SPACDR: variants seen among roughly 807,000 people sequenced by gnomAD.
SPACDR encodes uncharacterized protein C7orf61.
At chr7:100,463,776 G>A in the SPACDR span, 1 of 1,306,146 alleles carries the variant, frequency 7.7e-7, no homozygotes, top group Middle Eastern at 1.8e-4. Flanking sequence ...AAAAGGGATG[G>A]AGCAGTGAGT....
the SPACDR span, chr7:100,463,253 C>T: frequency 1.2e-5 from 11 of 889,996 alleles, no homozygotes; most frequent in South Asian, 1.7e-5. Flanking sequence ...GGATTACAGG[C>T]GTGAGTCACT....
At chr7:100,457,722 G>A in the SPACDR span, among the ~76,000 whole-genome samples, 1 of 146,938 alleles carries the variant, frequency 6.8e-6, no homozygotes, top group Non-Finnish European at 1.5e-5. Flanking sequence ...CCAAGTTCAA[G>A]TGATGCTCCC....
chr7:100,463,844 C>G, the SPACDR span: 7 of 1,325,772 alleles, frequency 5.3e-6, no homozygotes, highest in Non-Finnish European at 7.5e-6. Flanking sequence ...TCCTTCCTCC[C>G]CACTCCATCT....
chr7:100,461,739 C>G, the SPACDR span, among the ~76,000 whole-genome samples: 2 of 151,890 alleles, frequency 1.3e-5, no homozygotes, highest in Non-Finnish European at 2.9e-5. Context: ...CCTGTAATCC[C>G]AGCACTTTGG....
the SPACDR span, chr7:100,464,110 G>C: frequency 6.5e-7 from 1 of 1,540,546 alleles, no homozygotes; most frequent in Non-Finnish European, 8.8e-7. Flanking sequence ...GGGGTGGGCT[G>C]TGGGCCGGTG....
At chr7:100,463,410 G>A in the SPACDR span, 7 of 1,612,698 alleles carry the variant, frequency 4.3e-6, no homozygotes, top group Non-Finnish European at 5.1e-6. Context: ...GAGACCATGA[G>A]CGTGGAGACA....
chr7:100,463,982 C>T, the SPACDR span: 1 of 1,608,502 alleles, frequency 6.2e-7, no homozygotes, highest in Non-Finnish European at 8.5e-7. Flanking sequence ...AATCCTTTGC[C>T]AAGCCCGTCT....
chr7:100,463,730 G>A, the SPACDR span: 1 of 1,530,544 alleles, frequency 6.5e-7, no homozygotes, highest in East Asian at 2.3e-5. Context: ...GAGAGGGGCA[G>A]GGCAGAGACA....
chr7:100,459,599 C>T, the SPACDR span, among the ~76,000 whole-genome samples: 1 of 151,146 alleles, frequency 6.6e-6, no homozygotes, highest in African/African-American at 2.4e-5. Context: ...CCTGTCCTTT[C>T]CGTCTTTTTA....
At chr7:100,463,885 C>T in the SPACDR span, 1 of 1,492,746 alleles carries the variant, frequency 6.7e-7, no homozygotes, top group South Asian at 1.2e-5. Flanking sequence ...AGGGAGGGAA[C>T]CCACGCAGTA....
chr7:100,456,640 T>C, the SPACDR span: 1 of 760,872 alleles, frequency 1.3e-6, no homozygotes, highest in East Asian at 2.7e-5. Flanking sequence ...CTGATATTTA[T>C]TTCCCAATAT....
At chr7:100,463,687 C>T in the SPACDR span, 2 of 1,613,014 alleles carry the variant, frequency 1.2e-6, no homozygotes, top group Admixed American at 3.3e-5. Flanking sequence ...AGAAGAAAAC[C>T]TGAGAACCAA....
the SPACDR span, among the ~76,000 whole-genome samples, chr7:100,457,618 C>CTTTT: frequency 4.7e-4 from 44 of 93,518 alleles, no homozygotes; most frequent in African/African-American, 1.6e-3. Flanking sequence ...CATGCCTGGC[C>CTTTT]TTTTTTTTTT....
the SPACDR span, among the ~76,000 whole-genome samples, chr7:100,460,436 CAA>C: frequency 6.6e-6 from 1 of 151,768 alleles, no homozygotes; most frequent in East Asian, 2.0e-4. Flanking sequence ...ACTAAAAATA[CAA>C]AAGTTAGTCA....
the SPACDR span, chr7:100,464,253 G>A: frequency 3.5e-6 from 5 of 1,415,494 alleles, no homozygotes; most frequent in Non-Finnish European, 4.6e-6. Context: ...GAGAGGAGTC[G>A]AAGTAGGTGA....
the SPACDR span, chr7:100,464,243 G>A: frequency 1.4e-6 from 2 of 1,427,680 alleles, no homozygotes; most frequent in Non-Finnish European, 1.8e-6. Flanking sequence ...CTGGGACAGG[G>A]AGAGGAGTCG....
At chr7:100,462,307 G>A in the SPACDR span, among the ~76,000 whole-genome samples, 3 of 151,646 alleles carry the variant, frequency 2.0e-5, no homozygotes, top group Admixed American at 1.3e-4. Context: ...TCCGCCTCCC[G>A]GGTTCATGCC....
chr7:100,462,133 C>T, the SPACDR span, among the ~76,000 whole-genome samples: 2 of 152,066 alleles, frequency 1.3e-5, no homozygotes, highest in African/African-American at 2.4e-5. Context: ...CATCTGTAGC[C>T]CTGCAAGTCT....
the SPACDR span, among the ~76,000 whole-genome samples, chr7:100,457,801 ATATGTGTGTGTGTGTG>A: frequency 1.1e-4 from 8 of 74,376 alleles, no homozygotes; most frequent in Non-Finnish European, 1.9e-4. Context: ...TTATATATAT[ATATGTGTGTGTGTGTG>A]TGTGTGTGTG....
Sources: gnomAD v4.1 joint callset for allele counts (sites outside exome capture counted in the v4.1 genomes callset) on GRCh38, gnomAD v4.1.1 for gene constraint, MANE v1.5 for transcripts, NCBI Gene and HGNC (gene_info 2026-07-23, HGNC 2026-07-21) for gene names.